PAX3: variants seen among roughly 807,000 people sequenced by gnomAD.
PAX3 encodes the protein paired box 3.
A neutral mutation model predicts 51.6 loss-of-function variants in PAX3; 14 were observed. That is an observed-to-expected ratio of 0.27 (90% CI 0.18 to 0.42). The LOEUF is 0.42. Ranked by LOEUF, PAX3 falls within the 10% of genes least tolerant of loss-of-function variation. The pLI is 1.00. For missense variants in PAX3, 540 were observed against 642.8 expected (o/e 0.84, Z 1.73); for synonymous variants, 280 against 253.4 (o/e 1.11, Z -1.00).
chr2:222,236,727 C>T (rs952156683), intron 4 of PAX3, among the ~76,000 whole-genome samples: 1 of 152,100 alleles, frequency 6.6e-6, no homozygotes, highest in Non-Finnish European at 1.5e-5. Context: ...TAAATATAAA[C>T]TCTTTGGACT....
intron 4 of PAX3, among the ~76,000 whole-genome samples, chr2:222,287,174 G>C (rs922185591): frequency 2.0e-5 from 3 of 151,762 alleles, no homozygotes; most frequent in African/African-American, 7.2e-5. Context: ...CCGAAGACTG[G>C]TGTGAATGGG....
chr2:222,234,291 T>A (rs947319961), intron 4 of PAX3, among the ~76,000 whole-genome samples: 37 of 152,162 alleles, frequency 2.4e-4, no homozygotes, highest in African/African-American at 8.9e-4. Flanking sequence ...AATATAAAAT[T>A]ATTTCATTTA....
intron 4 of PAX3, 21 bp downstream of exon 4, chr2:222,294,146 G>A: frequency 6.2e-7 from 1 of 1,614,036 alleles, no homozygotes; most frequent in East Asian, 2.2e-5. Context: ...CAAGTGCGCC[G>A]CCCAAGGCGC....
At chr2:222,271,480 G>A (rs1012694523) in intron 4 of PAX3, among the ~76,000 whole-genome samples, 1 of 152,126 alleles carries the variant, frequency 6.6e-6, no homozygotes, top group Non-Finnish European at 1.5e-5. Context: ...TGACAGTAAC[G>A]ATTATATCTT....
intron 5 of PAX3, among the ~76,000 whole-genome samples, chr2:222,223,757 T>G (rs1692285365): frequency 1.3e-5 from 2 of 152,262 alleles, no homozygotes; most frequent in Non-Finnish European, 2.9e-5. Context: ...AAAGTTTTGA[T>G]GTAACTTCAC....
chr2:222,281,159 A>G (rs1226158422), intron 4 of PAX3, among the ~76,000 whole-genome samples: 1 of 152,176 alleles, frequency 6.6e-6, no homozygotes, highest in African/African-American at 2.4e-5. Context: ...GCTCTGGCAT[A>G]CTGCTAGTCC....
At position 222,227,669 on chromosome 2, in the gene PAX3, T is replaced by A. The variant is rs146329413; in HGVS notation, c.792+4409A>T. Among the ~76,000 whole-genome samples the A allele has an allele frequency of 3.4e-3, 518 of 152,218 alleles. 5 individuals are homozygous for A. Among genetic ancestry groups the A allele is most frequent in the African/African-American group, 0.012 (485 of 41,516 alleles). On this transcript the variant is annotated intron_variant, in intron 5 of 8. Coordinates refer to ENST00000392070, the MANE Select transcript of PAX3 (RefSeq NM_181458.4). ...CACAAAACTTGAATGTTTGTCATTATTTGCATGATATTAATAACAGCTACC... is the reference window on the plus strand; with the variant it reads ...CACAAAACTTGAATGTTTGTCATTAATTGCATGATATTAATAACAGCTACC...
intron 4 of PAX3, among the ~76,000 whole-genome samples, chr2:222,247,965 C>A (rs553901879): frequency 6.6e-4 from 100 of 152,134 alleles, no homozygotes; most frequent in African/African-American, 2.1e-3. Context: ...GATAAAAGAA[C>A]CTGCCCAAAG....
chr2:222,201,040 C>G lies in PAX3; in HGVS notation c.*368G>C, dbSNP rs1450295162. On this transcript the variant is annotated 3_prime_UTR_variant, in exon 9 of 9. Transcript: ENST00000392070. Reference sequence around the variant, plus strand: ...CAGTCTGGGTAAATCTCAATACACACACACACACACACACGCACGCACGCA... The same window carrying G: ...CAGTCTGGGTAAATCTCAATACACAGACACACACACACACGCACGCACGCA... 1 of 911,004 alleles carries G rather than the reference C, an allele frequency of 1.1e-6. No homozygotes were observed. Among genetic ancestry groups the G allele is most frequent in the East Asian group, 2.6e-5 (1 of 37,906 alleles). 56.4% of individuals were successfully genotyped at this position (911,004 alleles called of 1,614,324 possible).
At chr2:222,222,492 C>T (rs1692234264) in intron 5 of PAX3, among the ~76,000 whole-genome samples, 1 of 152,020 alleles carries the variant, frequency 6.6e-6, no homozygotes, top group Admixed American at 6.6e-5. Context: ...CAACCTCCGC[C>T]TCCCAGGTTC....
intron 4 of PAX3, among the ~76,000 whole-genome samples, chr2:222,255,759 G>T (rs986059755): frequency 1.3e-5 from 2 of 150,642 alleles, no homozygotes; most frequent in Non-Finnish European, 2.9e-5. Context: ...TAATAGAATA[G>T]TAACAGTATG....
At chr2:222,282,775 A>G (rs1349738268) in intron 4 of PAX3, among the ~76,000 whole-genome samples, 1 of 152,144 alleles carries the variant, frequency 6.6e-6, no homozygotes, top group Non-Finnish European at 1.5e-5. Context: ...AAAGGAACCA[A>G]TAAGTCAAAG....
Position 222,259,049 on chromosome 2 carries a change from C to CT in PAX3, c.587-26767dup, listed in dbSNP as rs201592329. ...GAATTAAGAAACTCCTTCCTGAAGACTTTTTTTTTCAAAAAAATAATCTTA... is the reference window on the plus strand; with the variant it reads ...GAATTAAGAAACTCCTTCCTGAAGACTTTTTTTTTTCAAAAAAATAATCTTA... On this transcript the variant is annotated intron_variant, in intron 4 of 8. Coordinates refer to ENST00000392070, the MANE Select transcript of PAX3 (RefSeq NM_181458.4). 7.9e-5 allele frequency among the ~76,000 whole-genome samples: 12 copies of CT among 151,418 alleles called. No homozygotes were observed. In the South Asian group the frequency reaches 8.4e-4, roughly 11 times the overall value.
chr2:222,278,485 T>A (rs1319092029), intron 4 of PAX3, among the ~76,000 whole-genome samples: 1 of 152,234 alleles, frequency 6.6e-6, no homozygotes, highest in Non-Finnish European at 1.5e-5. Context: ...AGTTCCTTCC[T>A]AGTCTATGGC....
intron 4 of PAX3, among the ~76,000 whole-genome samples, chr2:222,279,330 T>TGTGTGTGC (rs372245266): frequency 2.0e-5 from 3 of 149,780 alleles, no homozygotes; most frequent in Admixed American, 1.3e-4. Flanking sequence ...TGTGTGTGTG[T>TGTGTGTGC]GGTGTAGTAG....
rs546468709 is a variant in PAX3 at position 222,209,696 on chromosome 2, C to CAAAAAAAAA, written c.1174-7515_1174-7507dup. Among the ~76,000 whole-genome samples, 5 of 61,368 alleles carry CAAAAAAAAA rather than the reference C, an allele frequency of 8.1e-5. 1 individual carries two copies. The highest frequency in any genetic ancestry group is 1.0e-3 in the South Asian group (1 of 1,002). The allele number at this position is 61,368 out of a possible 152,430, so 40.3% of individuals were successfully genotyped here. A position where few individuals can be genotyped will look rare whatever the true frequency, so the allele number is the denominator to read the frequency against. ...TCAATACAGCAAAACTCTGTCTCTA[C>CAAAAAAAAA]AAAAAAAAAAAAAAAAAAAAAAAAA... On this transcript the variant is annotated intron_variant, in intron 7 of 8. Coordinates refer to ENST00000392070, the MANE Select transcript of PAX3 (RefSeq NM_181458.4).
rs992416079 is a variant in PAX3 at position 222,200,296 on chromosome 2, G to A, written c.*1112C>T. 4.6e-6 allele frequency: 1 copy of A among 218,330 alleles called. No individual in the cohort carries two copies. Among genetic ancestry groups the A allele is most frequent in the East Asian group, 6.8e-5 (1 of 14,672 alleles). The allele number at this position is 218,330 out of a possible 1,614,324, so 13.5% of individuals were successfully genotyped here. The stretch of plus-strand genomic sequence containing the variant: ...TTGGATATCATTGTATAATTTAAAA[G>A]TACATGAGAGCCATGTGAACACTTC... On this transcript the variant is annotated 3_prime_UTR_variant, in exon 9 of 9. Transcript: ENST00000392070.
chr2:222,267,744 A>C (rs1392597508), intron 4 of PAX3, among the ~76,000 whole-genome samples: 1 of 152,206 alleles, frequency 6.6e-6, no homozygotes, highest in Non-Finnish European at 1.5e-5. Context: ...CTAACCACTC[A>C]AACATTGTTC....
chr2:222,249,195 T>A (rs1451265149), intron 4 of PAX3, among the ~76,000 whole-genome samples: 1 of 152,214 alleles, frequency 6.6e-6, no homozygotes, highest in Non-Finnish European at 1.5e-5. Flanking sequence ...AAGAATTAAA[T>A]TGAAGAGGCA....
Sources: gnomAD v4.1 joint callset for allele counts (sites outside exome capture counted in the v4.1 genomes callset) on GRCh38, gnomAD v4.1.1 for gene constraint, MANE v1.5 for transcripts, NCBI Gene and HGNC (gene_info 2026-07-23, HGNC 2026-07-21) for gene names.